The following RSRC1 variants were observed in gnomAD, a reference collection of about 807,000 sequenced individuals.
RSRC1 encodes the protein arginine and serine rich coiled-coil 1.
Under a neutral mutation model 49.1 loss-of-function variants are expected in RSRC1, and 39 were observed. That is an observed-to-expected ratio of 0.79 (90% CI 0.61 to 1.04). The LOEUF (loss-of-function observed/expected upper bound fraction) is 1.04, where lower values mean the gene tolerates loss of function less well. Ranked by LOEUF, RSRC1 falls within the 50% of genes least tolerant of loss-of-function variation. The pLI is 0.00. For missense variants in RSRC1, 388 were observed against 402.4 expected (o/e 0.96, Z 0.31); for synonymous variants, 143 against 130.8 (o/e 1.09, Z -0.63).
At chr3:158,216,561 G>A (rs1055682109) in intron 4 of RSRC1, among the ~76,000 whole-genome samples, 3 of 151,428 alleles carry the variant, frequency 2.0e-5, no homozygotes, top group African/African-American at 2.4e-5. Context: ...AGAGTAATCC[G>A]GGATAATATT....
rs191352241 is a variant in RSRC1 at position 158,347,157 on chromosome 3, G to A, written c.532-7700G>A. Among the ~76,000 whole-genome samples the A allele has an allele frequency of 4.3e-3, 650 of 152,226 alleles. 5 individuals are homozygous for A. Among genetic ancestry groups the A allele is most frequent in the African/African-American group, 0.014 (573 of 41,552 alleles). On this transcript the variant is annotated intron_variant, in intron 5 of 9. Transcript: ENST00000611884. ...TAAATAGTATTTCTTTTTTTACATT[G>A]TTATTTTGACTCTCTCTCTCTGATT... is the stretch of plus-strand genomic sequence containing the variant.
At chr3:158,301,653 A>G (rs1727556312) in intron 5 of RSRC1, among the ~76,000 whole-genome samples, 1 of 152,180 alleles carries the variant, frequency 6.6e-6, no homozygotes, top group South Asian at 2.1e-4. Context: ...ACTTTGAGTA[A>G]AACAACCCTA....
intron 4 of RSRC1, among the ~76,000 whole-genome samples, chr3:158,290,522 A>C (rs374326881): frequency 1.6e-3 from 237 of 152,028 alleles, no homozygotes; most frequent in Middle Eastern, 6.8e-3. Flanking sequence ...TGATCCGCCC[A>C]CCTTGGCCTC....
intron 3 of RSRC1, among the ~76,000 whole-genome samples, chr3:158,144,777 C>T (rs938570294): frequency 6.6e-6 from 1 of 152,168 alleles, no homozygotes; most frequent in African/African-American, 2.4e-5. Context: ...CCTATTTCTC[C>T]ACATCCTCTC....
chr3:158,416,594 G>T (rs1734749316), intron 6 of RSRC1, among the ~76,000 whole-genome samples: 1 of 152,044 alleles, frequency 6.6e-6, no homozygotes, highest in Non-Finnish European at 1.5e-5. Flanking sequence ...GAGGAATCCA[G>T]TCCCTAGCCT....
At chr3:158,211,029 G>A (rs538184583) in intron 4 of RSRC1, among the ~76,000 whole-genome samples, 3 of 152,182 alleles carry the variant, frequency 2.0e-5, no homozygotes, top group Admixed American at 2.0e-4. Context: ...AGGAGGCTGA[G>A]GAATTAGGGA....
chr3:158,528,661 T>C (rs188996137), intron 7 of RSRC1, among the ~76,000 whole-genome samples: 8 of 152,078 alleles, frequency 5.3e-5, no homozygotes, highest in Admixed American at 5.2e-4. Flanking sequence ...GATTCTAGAA[T>C]TAAAATGGAC....
intron 7 of RSRC1, among the ~76,000 whole-genome samples, chr3:158,467,087 A>G (rs577397608): frequency 6.6e-6 from 1 of 152,280 alleles, no homozygotes; most frequent in South Asian, 2.1e-4. Flanking sequence ...TCATAACTAA[A>G]TATAAACTAT....
intron 3 of RSRC1, among the ~76,000 whole-genome samples, chr3:158,129,725 A>C (rs1715890882): frequency 6.6e-6 from 1 of 152,152 alleles, no homozygotes. Context: ...GTCTTAGACA[A>C]TTTTGATTAC....
At chr3:158,158,260 G>GT (rs906979297) in intron 3 of RSRC1, among the ~76,000 whole-genome samples, 5 of 151,720 alleles carry the variant, frequency 3.3e-5, no homozygotes, top group Non-Finnish European at 7.4e-5. Context: ...ACTTACAACA[G>GT]TTTTTTTTCA....
chr3:158,382,275 G>T (rs1214607894), intron 6 of RSRC1, among the ~76,000 whole-genome samples: 1 of 152,052 alleles, frequency 6.6e-6, no homozygotes, highest in Admixed American at 6.6e-5. Context: ...AATATCTCCT[G>T]GAGGACCTGC....
At chr3:158,405,248 C>T (rs1363898830) in intron 6 of RSRC1, among the ~76,000 whole-genome samples, 1 of 151,938 alleles carries the variant, frequency 6.6e-6, no homozygotes, top group East Asian at 1.9e-4. Context: ...CATGTTTTGT[C>T]ATTCAACAAA....
chr3:158,483,328 CATCTT>C (rs1738691309), intron 7 of RSRC1, among the ~76,000 whole-genome samples: 1 of 151,964 alleles, frequency 6.6e-6, no homozygotes, highest in African/African-American at 2.4e-5. Context: ...TTGTATTTCT[CATCTT>C]ATTTCATAGA....
chr3:158,432,708 A>G (rs1391651350), intron 6 of RSRC1, among the ~76,000 whole-genome samples: 1 of 151,980 alleles, frequency 6.6e-6, no homozygotes, highest in African/African-American at 2.4e-5. Flanking sequence ...ATTTAGTACT[A>G]TCCATGAAAT....
chr3:158,460,814 GTTTC>G lies in RSRC1; in HGVS notation c.584-114_584-111del, dbSNP rs1737569258. ...TGTATTTCAGATGTTCAACTGCCTT[GTTTC>G]TTTCTTGTGATTACTTCGTGGAAAA... On this transcript the variant is annotated intron_variant, in intron 6 of 9. Transcript: ENST00000611884. 5 of 501,198 alleles carry G rather than the reference GTTTC, an allele frequency of 1.0e-5. No individual in the cohort carries two copies. The South Asian group carries it at 2.2e-4, about 22-fold the overall frequency. 31.0% of individuals were successfully genotyped at this position (501,198 alleles called of 1,614,324 possible).
At chr3:158,537,350 G>A in intron 8 of RSRC1, 152 bp downstream of exon 8, 1 of 513,312 alleles carries the variant, frequency 1.9e-6, no homozygotes, top group Non-Finnish European at 3.5e-6. Context: ...AAACAAATCA[G>A]GGAGACTCAG....
At chr3:158,184,651 C>G (rs1369460277) in intron 3 of RSRC1, among the ~76,000 whole-genome samples, 2 of 152,088 alleles carry the variant, frequency 1.3e-5, no homozygotes, top group African/African-American at 2.4e-5. Context: ...GCAATCTTAA[C>G]TGGTAAACTA....
chr3:158,524,172 T>C (rs935654056), intron 7 of RSRC1, among the ~76,000 whole-genome samples: 1 of 152,122 alleles, frequency 6.6e-6, no homozygotes, highest in Non-Finnish European at 1.5e-5. Context: ...ACCCATCAAT[T>C]GGAAAGTTTG....
At chr3:158,389,791 G>A (rs1733167331) in intron 6 of RSRC1, among the ~76,000 whole-genome samples, 1 of 152,158 alleles carries the variant, frequency 6.6e-6, no homozygotes, top group African/African-American at 2.4e-5. Flanking sequence ...CAAGTCATGT[G>A]AGACATGGAA....
Sources: allele counts gnomAD v4.1 joint callset (sites outside exome capture counted in the v4.1 genomes callset), GRCh38; gene constraint gnomAD v4.1.1; transcripts MANE v1.5; gene names NCBI Gene and HGNC (gene_info 2026-07-23, HGNC 2026-07-21).